SUN1: variants seen among roughly 807,000 people sequenced by gnomAD.
SUN1 encodes SUN domain-containing protein 1.
In SUN1, 61 loss-of-function variants were observed where a neutral mutation model predicts 103.2. The observed-to-expected ratio is 0.59, with a 90% CI of 0.48 to 0.73. The LOEUF (loss-of-function observed/expected upper bound fraction) is 0.73. SUN1 is among the 30% of genes least tolerant of loss of function. The probability of loss-of-function intolerance (pLI) is 0.00; values close to 1 mark genes in which losing one functional copy is unlikely to be tolerated. For missense variants in SUN1, 1,052 were observed against 1,034.6 expected (o/e 1.02, Z -0.23); for synonymous variants, 490 against 425.7 (o/e 1.15, Z -1.86).
intron 3 of SUN1, 72 bp downstream of exon 3, chr7:842,202 G>A: frequency 1.3e-6 from 2 of 1,536,476 alleles, no homozygotes; most frequent in South Asian, 2.4e-5. Flanking sequence ...GGGGAGAGGG[G>A]AGGCGGTGGC....
chr7:847,498 G>A (rs1455422436), intron 5 of SUN1, among the ~76,000 whole-genome samples: 1 of 103,332 alleles, frequency 9.7e-6, no homozygotes, highest in Non-Finnish European at 2.0e-5. Flanking sequence ...CCACAGCGCC[G>A]TGCGCCAGCG....
At chr7:848,388 A>C (rs1183885310) in intron 5 of SUN1, 10 of 1,341,260 alleles carry the variant, frequency 7.5e-6, no homozygotes, top group African/African-American at 1.5e-5. Flanking sequence ...TTATGGGAAG[A>C]AATAACGCAT....
intron 1 of SUN1, among the ~76,000 whole-genome samples, chr7:838,112 G>GCA (rs1472197926): frequency 6.6e-6 from 1 of 152,208 alleles, no homozygotes; most frequent in Non-Finnish European, 1.5e-5. Flanking sequence ...AAGTGCAGTG[G>GCA]CACAGTCATA....
chr7:865,573 A>G (rs1217697944), intron 15 of SUN1, among the ~76,000 whole-genome samples: 1 of 152,252 alleles, frequency 6.6e-6, no homozygotes, highest in Non-Finnish European at 1.5e-5. Flanking sequence ...TGCCTTCAGT[A>G]GACTGCCTTC....
At chr7:824,281 G>T (rs1188093377) in intron 1 of SUN1, among the ~76,000 whole-genome samples, 1 of 152,216 alleles carries the variant, frequency 6.6e-6, no homozygotes, top group Admixed American at 6.5e-5. Flanking sequence ...CATGAAAGCT[G>T]TGTGAGCCTC....
At chr7:849,198 G>A (rs377669162) in intron 5 of SUN1, among the ~76,000 whole-genome samples, 7 of 152,280 alleles carry the variant, frequency 4.6e-5, no homozygotes, top group Admixed American at 6.5e-5. Flanking sequence ...CCTCGTGATC[G>A]CCCGCCTCAG....
intron 16 of SUN1, among the ~76,000 whole-genome samples, chr7:867,917 G>A (rs1410008284): frequency 3.9e-5 from 6 of 152,208 alleles, no homozygotes; most frequent in Admixed American, 3.3e-4. Context: ...CTCACCGGGC[G>A]TTTGGCTGCA....
At chr7:861,758 G>A (rs1012148857) in intron 15 of SUN1, among the ~76,000 whole-genome samples, 3 of 152,196 alleles carry the variant, frequency 2.0e-5, no homozygotes, top group African/African-American at 4.8e-5. Flanking sequence ...TGCTGTGATC[G>A]GGGATTGTTC....
At chr7:847,898 G>A (rs866797285) in intron 5 of SUN1, among the ~76,000 whole-genome samples, 1 of 150,812 alleles carries the variant, frequency 6.6e-6, no homozygotes, top group South Asian at 2.1e-4. Flanking sequence ...CGCCGTCTCC[G>A]GGATCCCCTG....
chr7:840,125 G>A (rs762745499), intron 2 of SUN1, among the ~76,000 whole-genome samples: 8 of 152,216 alleles, frequency 5.3e-5, no homozygotes, highest in Non-Finnish European at 1.0e-4. Flanking sequence ...GCTGTTAAGA[G>A]CGATGGCGGA....
At position 873,875 on chromosome 7, in the gene SUN1, A is replaced by G. The variant is rs1295967551; in HGVS notation, c.*544A>G. 1.3e-5 allele frequency: 2 copies of G among 152,824 alleles called. No individual in the cohort carries two copies. The highest frequency in any genetic ancestry group is 4.8e-5 in the African/African-American group (2 of 41,458). The allele number at this position is 152,824 out of a possible 1,614,324, so 9.5% of individuals were successfully genotyped here. A position where few individuals can be genotyped will look rare whatever the true frequency, so the allele number is the denominator to read the frequency against. On this transcript the variant is annotated 3_prime_UTR_variant, in exon 19 of 19. Transcript: ENST00000401592. ...GTCTCCAGATGGGGAAATAACTAAA[A>G]TGTGTTTTTCTGCTTTGTTCGCTCT... is the stretch of plus-strand genomic sequence containing the variant.
At chr7:838,746 C>CAGA (rs1299259025) in intron 1 of SUN1, 52 bp from the exon 2 acceptor site, 14 of 1,438,036 alleles carry the variant, frequency 9.7e-6, no homozygotes, top group Non-Finnish European at 1.3e-5. Flanking sequence ...CATTTTGTTT[C>CAGA]AGAATGGGGG....
chr7:865,597 G>T (rs1035111231), intron 15 of SUN1, among the ~76,000 whole-genome samples: 1 of 152,164 alleles, frequency 6.6e-6, no homozygotes, highest in Non-Finnish European at 1.5e-5. Context: ...TCTGTCGGGG[G>T]TGCACCCAGG....
chr7:850,065 GC>G, intron 5 of SUN1: 2 of 1,523,024 alleles, frequency 1.3e-6, no homozygotes. Flanking sequence ...GTCTCATCTC[GC>G]CCTGTCACCA....
chr7:829,531 C>G (rs937005691), upstream of SUN1, among the ~76,000 whole-genome samples: 1 of 150,330 alleles, frequency 6.7e-6, no homozygotes, highest in Non-Finnish European at 1.5e-5. Context: ...ATTGCACACC[C>G]AGAAGAAAAA....
chr7:867,480 A>C (rs1428087383), intron 16 of SUN1, among the ~76,000 whole-genome samples: 1 of 152,184 alleles, frequency 6.6e-6, no homozygotes, highest in Non-Finnish European at 1.5e-5. Flanking sequence ...AGAGGAGCTC[A>C]CTGGCCTGCA....
At chr7:827,675 A>AGC (rs1416810608), upstream of SUN1, among the ~76,000 whole-genome samples, 35 of 151,648 alleles carry the variant, frequency 2.3e-4, no homozygotes, top group Admixed American at 8.5e-4. Flanking sequence ...TTCACCATTC[A>AGC]CAGGATGGTC....
intron 3 of SUN1, 21 bp downstream of exon 3, chr7:842,151 G>A: frequency 6.2e-7 from 1 of 1,605,020 alleles, no homozygotes; most frequent in Non-Finnish European, 8.5e-7. Context: ...GCGAGACACA[G>A]ATTGTCCCGC....
chr7:846,203 G>C (rs974478651), intron 5 of SUN1, among the ~76,000 whole-genome samples: 1 of 151,818 alleles, frequency 6.6e-6, no homozygotes, highest in African/African-American at 2.4e-5. Context: ...CCACCTCCCG[G>C]GCTCAAGCGA....
Sources: gnomAD v4.1 joint callset for allele counts (sites outside exome capture counted in the v4.1 genomes callset) on GRCh38, gnomAD v4.1.1 for gene constraint, MANE v1.5 for transcripts, NCBI Gene and HGNC (gene_info 2026-07-23, HGNC 2026-07-21) for gene names.